Variants in SCMH1 observed in about 807,000 individuals in gnomAD.
SCMH1 encodes the protein polycomb protein SCMH1.
A neutral mutation model predicts 70.8 loss-of-function variants in SCMH1; 37 were observed. The observed-to-expected ratio is 0.52, with a 90% confidence interval of 0.40 to 0.69. SCMH1 has a LOEUF of 0.69. Ranked by LOEUF, SCMH1 falls within the 30% of genes least tolerant of loss-of-function variation. The pLI, the probability that SCMH1 is intolerant of heterozygous loss-of-function variation, is 0.00. For synonymous variants in SCMH1, 292 were observed against 307.4 expected (o/e 0.95, Z 0.52); for missense variants, 607 against 827.3 (o/e 0.73, Z 3.27).
chr1:41,118,315 C>T (rs1331808221), intron 6 of SCMH1, among the ~76,000 whole-genome samples: 1 of 152,076 alleles, frequency 6.6e-6, no homozygotes. Context: ...AACGTAATGC[C>T]TAGAAAACTT....
chr1:41,236,902 C>T (rs908358006), intron 1 of SCMH1, among the ~76,000 whole-genome samples: 1 of 152,144 alleles, frequency 6.6e-6, no homozygotes, highest in African/African-American at 2.4e-5. Context: ...CCCATGGATA[C>T]AGAAGGCCAA....
intron 1 of SCMH1, among the ~76,000 whole-genome samples, chr1:41,196,472 G>T (rs574146916): frequency 6.6e-6 from 1 of 152,214 alleles, no homozygotes; most frequent in Non-Finnish European, 1.5e-5. Flanking sequence ...AAACAGGTCT[G>T]GGAAAACTGA....
At chr1:41,138,311 G>A (rs1289987473) in intron 6 of SCMH1, among the ~76,000 whole-genome samples, 2 of 152,076 alleles carry the variant, frequency 1.3e-5, no homozygotes, top group African/African-American at 2.4e-5. Flanking sequence ...AAATATAAAG[G>A]TAAAGGTCTG....
chr1:41,091,414 C>T (rs1171640519), intron 8 of SCMH1, among the ~76,000 whole-genome samples: 2 of 152,082 alleles, frequency 1.3e-5, no homozygotes, highest in Non-Finnish European at 2.9e-5. Flanking sequence ...TTATGACAAA[C>T]CCACAGCCAA....
At chr1:41,167,500 G>C (rs185561426) in intron 2 of SCMH1, among the ~76,000 whole-genome samples, 8 of 152,254 alleles carry the variant, frequency 5.3e-5, no homozygotes, top group Non-Finnish European at 1.0e-4. Flanking sequence ...TTAGGTCCTA[G>C]GCTTTATTTT....
At chr1:41,059,841 C>T (rs926506586) in intron 10 of SCMH1, among the ~76,000 whole-genome samples, 10 of 152,060 alleles carry the variant, frequency 6.6e-5, no homozygotes, top group African/African-American at 1.7e-4. Flanking sequence ...GAGTGCACGG[C>T]GCTGAAAAGA....
intron 8 of SCMH1, among the ~76,000 whole-genome samples, chr1:41,104,057 C>A (rs562731830): frequency 1.3e-5 from 2 of 152,328 alleles, no homozygotes; most frequent in South Asian, 4.1e-4. Flanking sequence ...CCTGGCTCTG[C>A]GTGCAGTTCC....
chr1:41,169,082 C>G (rs1272660253), intron 2 of SCMH1, among the ~76,000 whole-genome samples: 1 of 152,182 alleles, frequency 6.6e-6, no homozygotes, highest in African/African-American at 2.4e-5. Context: ...TGAGGAGAAG[C>G]TCGTAGAAGT....
At chr1:41,212,501 A>G (rs1657240716) in intron 1 of SCMH1, among the ~76,000 whole-genome samples, 3 of 152,244 alleles carry the variant, frequency 2.0e-5, no homozygotes, top group African/African-American at 7.2e-5. Flanking sequence ...AGTACCAGAA[A>G]ATAGGAAAGA....
intron 8 of SCMH1, among the ~76,000 whole-genome samples, chr1:41,089,089 G>A (rs778027605): frequency 1.2e-4 from 18 of 152,204 alleles, no homozygotes; most frequent in Admixed American, 6.5e-5. Flanking sequence ...CAGTGCTGAT[G>A]CTGCTGGTCT....
At chr1:41,092,251 T>G (rs537306946) in intron 8 of SCMH1, among the ~76,000 whole-genome samples, 1 of 152,166 alleles carries the variant, frequency 6.6e-6, no homozygotes, top group Admixed American at 6.5e-5. Flanking sequence ...TTGACAAACC[T>G]GAGAAAAACA....
At chr1:41,226,813 T>C (rs902556626) in intron 1 of SCMH1, among the ~76,000 whole-genome samples, 2 of 152,166 alleles carry the variant, frequency 1.3e-5, no homozygotes, top group Non-Finnish European at 2.9e-5. Context: ...ATGTGCAACA[T>C]GGAGATTATT....
At chr1:41,138,791 G>C (rs2148177406) in intron 6 of SCMH1, among the ~76,000 whole-genome samples, 1 of 152,028 alleles carries the variant, frequency 6.6e-6, no homozygotes, top group East Asian at 1.9e-4. Context: ...ATTAGTCGTT[G>C]GTTTTGGAAG....
intron 2 of SCMH1, among the ~76,000 whole-genome samples, chr1:41,184,502 A>C (rs888257779): frequency 2.6e-5 from 4 of 152,308 alleles, no homozygotes; most frequent in African/African-American, 4.8e-5. Context: ...GTCAGTCATT[A>C]TTCTAGGCAC....
intron 1 of SCMH1, among the ~76,000 whole-genome samples, chr1:41,199,657 A>G (rs1003989835): frequency 1.3e-5 from 2 of 151,392 alleles, no homozygotes; most frequent in Non-Finnish European, 2.9e-5. Context: ...GTACTTGTTT[A>G]TAAGTGGGAG....
intron 1 of SCMH1, among the ~76,000 whole-genome samples, chr1:41,200,967 C>G (rs1654230390): frequency 6.6e-6 from 1 of 152,090 alleles, no homozygotes; most frequent in Non-Finnish European, 1.5e-5. Context: ...CTAAGCAGAC[C>G]GTTGAAAGAT....
chr1:41,238,933 A>G (rs564424733), intron 1 of SCMH1, among the ~76,000 whole-genome samples: 9 of 152,228 alleles, frequency 5.9e-5, no homozygotes, highest in Admixed American at 3.3e-4. Context: ...CTCCTTAGTC[A>G]TCCAAGGCAA....
At chr1:41,053,065 G>A (rs1006504181) in intron 10 of SCMH1, among the ~76,000 whole-genome samples, 12 of 80,614 alleles carry the variant, frequency 1.5e-4, no homozygotes, top group African/African-American at 3.5e-4. Context: ...TTACAGGCAC[G>A]TGCCATCACG....
At chr1:41,150,936 C>CAAAA (rs71062579) in intron 5 of SCMH1, among the ~76,000 whole-genome samples, 2 of 76,468 alleles carry the variant, frequency 2.6e-5, no homozygotes, top group Non-Finnish European at 2.5e-5. Context: ...GACACCATCT[C>CAAAA]AAAAAAAAAA....
Sources: allele counts gnomAD v4.1 joint callset (sites outside exome capture counted in the v4.1 genomes callset), GRCh38; gene constraint gnomAD v4.1.1; transcripts MANE v1.5; gene names NCBI Gene and HGNC (gene_info 2026-07-23, HGNC 2026-07-21).